The following AGMO variants were observed in gnomAD, a reference collection of about 807,000 sequenced individuals.
The protein encoded by AGMO is glyceryl-ether monooxygenase.
Under a neutral mutation model 60.2 loss-of-function variants are expected in AGMO, and 75 were observed. That is an observed-to-expected ratio of 1.25 (90% CI 1.03 to 1.51). AGMO has a LOEUF of 1.51. Among genes scored for constraint, AGMO ranks in the 40% most tolerant of loss-of-function variants. The probability of loss-of-function intolerance (pLI) is 0.00; values close to 1 mark genes in which losing one functional copy is unlikely to be tolerated. For synonymous variants in AGMO, 261 were observed against 177.1 expected, an observed-to-expected ratio of 1.47 and a Z score of -3.76; for missense variants, 763 against 525.5, an observed-to-expected ratio of 1.45 and a Z score of -4.42.
intron 12 of AGMO, among the ~76,000 whole-genome samples, chr7:15,352,053 G>T (rs1460065120): frequency 6.6e-6 from 1 of 152,218 alleles, no homozygotes; most frequent in East Asian, 1.9e-4. Context: ...CTTGACTCTT[G>T]TCAAGCAGTT....
intron 3 of AGMO, among the ~76,000 whole-genome samples, chr7:15,531,443 A>AT (rs1483571664): frequency 1.6e-5 from 1 of 61,986 alleles, no homozygotes; most frequent in Non-Finnish European, 2.6e-5. Context: ...TATATATTCT[A>AT]TATATATTCT....
At chr7:15,339,451 A>C (rs1462259321) in intron 12 of AGMO, among the ~76,000 whole-genome samples, 1 of 152,204 alleles carries the variant, frequency 6.6e-6, no homozygotes, top group African/African-American at 2.4e-5. Flanking sequence ...TATGCATATA[A>C]TTATATCTAA....
the AGMO span, among the ~76,000 whole-genome samples, chr7:15,161,325 A>G: frequency 4.6e-5 from 7 of 152,066 alleles, no homozygotes; most frequent in Non-Finnish European, 7.4e-5. Flanking sequence ...CCCAAGAAAG[A>G]GCAAATTCTG....
intron 3 of AGMO, among the ~76,000 whole-genome samples, chr7:15,501,540 C>G (rs142300473): frequency 1.1e-4 from 17 of 151,314 alleles, no homozygotes; most frequent in Non-Finnish European, 1.8e-4. Context: ...GGTTTTAAGT[C>G]AAATCAAATT....
chr7:15,133,541 G>T, the AGMO span, among the ~76,000 whole-genome samples: 1 of 152,136 alleles, frequency 6.6e-6, no homozygotes, highest in Non-Finnish European at 1.5e-5. Context: ...TAAGGACCAA[G>T]AGGCAAGTCA....
intron 12 of AGMO, among the ~76,000 whole-genome samples, chr7:15,243,583 C>A (rs772218040): frequency 3.9e-5 from 6 of 152,044 alleles, no homozygotes; most frequent in Non-Finnish European, 5.9e-5. Flanking sequence ...GTTTCAAAGA[C>A]AGAAGTTACA....
chr7:15,190,649 C>G, the AGMO span, among the ~76,000 whole-genome samples: 3 of 152,090 alleles, frequency 2.0e-5, no homozygotes, highest in Non-Finnish European at 1.5e-5. Flanking sequence ...TGACTTGATT[C>G]TAATGAACAT....
At chr7:15,549,573 C>T (rs1302774802) in intron 2 of AGMO, among the ~76,000 whole-genome samples, 1 of 150,336 alleles carries the variant, frequency 6.7e-6, no homozygotes, top group East Asian at 2.0e-4. Flanking sequence ...ACAAAGAAGG[C>T]CATTACATAA....
chr7:15,292,912 C>G (rs2128522825), intron 12 of AGMO, among the ~76,000 whole-genome samples: 1 of 151,234 alleles, frequency 6.6e-6, no homozygotes, highest in African/African-American at 2.4e-5. Context: ...CACCCGCCAC[C>G]AAATCCAGCT....
At chr7:15,461,040 A>T (rs1027665352) in intron 3 of AGMO, among the ~76,000 whole-genome samples, 10 of 152,068 alleles carry the variant, frequency 6.6e-5, no homozygotes, top group Non-Finnish European at 1.3e-4. Flanking sequence ...AAGAAGACAG[A>T]TGTATTTCCT....
chr7:15,344,234 T>C (rs968876065), intron 12 of AGMO, among the ~76,000 whole-genome samples: 8 of 152,196 alleles, frequency 5.3e-5, no homozygotes, highest in Non-Finnish European at 1.2e-4. Flanking sequence ...TGCATAAATA[T>C]GTAATTACAA....
chr7:15,438,582 T>C (rs754364377), intron 3 of AGMO, among the ~76,000 whole-genome samples: 44 of 152,172 alleles, frequency 2.9e-4, no homozygotes, highest in Admixed American at 2.3e-3. Flanking sequence ...GATAATAACA[T>C]GTTTTACTTT....
chr7:15,429,950 A>G (rs1781179888), intron 4 of AGMO, among the ~76,000 whole-genome samples: 1 of 152,016 alleles, frequency 6.6e-6, no homozygotes, highest in South Asian at 2.1e-4. Flanking sequence ...AGGCATGTAG[A>G]AGAGCATTTA....
rs546647835 is a variant in AGMO, at chr7:15,277,521, A to G, written c.1264-76162T>C. Reference sequence around the variant, plus strand: ...ACTTCTTGCTTTTGGATTTGTTTTCATTTGGATTGGATTTTTTTTTTCTAT... The same window carrying G: ...ACTTCTTGCTTTTGGATTTGTTTTCGTTTGGATTGGATTTTTTTTTTCTAT... On this transcript the variant is annotated intron_variant, in intron 12 of 12. Coordinates refer to ENST00000342526, the MANE Select transcript of AGMO (RefSeq NM_001004320.2). 2.7e-5 allele frequency among the ~76,000 whole-genome samples: 4 copies of G among 146,972 alleles called. No individual in the cohort carries two copies. The East Asian group carries it at 7.8e-4, about 29-fold the overall frequency.
intron 3 of AGMO, among the ~76,000 whole-genome samples, chr7:15,440,114 G>A (rs1047810690): frequency 2.5e-4 from 38 of 152,166 alleles, no homozygotes; most frequent in African/African-American, 8.7e-4. Context: ...GGCTTCCCAA[G>A]CTCAAGGACT....
intron 12 of AGMO, among the ~76,000 whole-genome samples, chr7:15,224,950 G>A (rs1302050312): frequency 6.6e-6 from 1 of 151,890 alleles, no homozygotes; most frequent in East Asian, 1.9e-4. Context: ...CATTTTGATT[G>A]TGGAAATTTC....
At chr7:15,500,442 A>C (rs2128524946) in intron 3 of AGMO, among the ~76,000 whole-genome samples, 1 of 151,786 alleles carries the variant, frequency 6.6e-6, no homozygotes, top group African/African-American at 2.4e-5. Flanking sequence ...AAGAAGGAAA[A>C]CCCTACAGTA....
chr7:15,159,338 T>C, the AGMO span, among the ~76,000 whole-genome samples: 1 of 152,138 alleles, frequency 6.6e-6, no homozygotes, highest in Non-Finnish European at 1.5e-5. Flanking sequence ...CGGATAAAAA[T>C]CTTTAAGCTC....
chr7:15,326,812 G>A (rs912352096), intron 12 of AGMO, among the ~76,000 whole-genome samples: 15 of 151,764 alleles, frequency 9.9e-5, no homozygotes, highest in Admixed American at 5.9e-4. Context: ...AAGGCATAGC[G>A]AAAAAGAAAA....
Sources: gnomAD v4.1 joint callset for allele counts (sites outside exome capture counted in the v4.1 genomes callset) on GRCh38, gnomAD v4.1.1 for gene constraint, MANE v1.5 for transcripts, NCBI Gene and HGNC (gene_info 2026-07-23, HGNC 2026-07-21) for gene names.